Variants in FAM149B1 observed in about 807,000 individuals in gnomAD.
FAM149B1 encodes family with sequence similarity 149 member B1, also known as primary cilium assembly protein FAM149B1.
FAM149B1 carries 56 observed loss-of-function variants against 75.3 expected under a neutral mutation model. That is an observed-to-expected ratio of 0.74 (90% confidence interval 0.60 to 0.93). The LOEUF is 0.93. Ranked by LOEUF, FAM149B1 falls within the 40% of genes least tolerant of loss-of-function variation. The pLI is 0.00. For synonymous variants in FAM149B1, 259 were observed against 256.1 expected (o/e 1.01, Z -0.11); for missense variants, 639 against 708.4 (o/e 0.90, Z 1.11).
chr10:73,213,394 C>A (rs2043233034), intron 7 of FAM149B1, among the ~76,000 whole-genome samples: 1 of 152,084 alleles, frequency 6.6e-6, no homozygotes, highest in Non-Finnish European at 1.5e-5. Flanking sequence ...GTCTTAAATT[C>A]TTTGCCTGGA....
intron 4 of FAM149B1, 81 bp downstream of exon 4, chr10:73,192,779 C>A: frequency 7.8e-7 from 1 of 1,280,844 alleles, no homozygotes. Flanking sequence ...AGCTTGTATT[C>A]TGAAATCTTT....
chr10:73,240,995 CT>C lies in FAM149B1; in HGVS notation c.1726del (p.Ser576LeufsTer24). ...AATCTCAAAGCGGAGGCAGACCAGT[CT>C]CTCGAACCAGGCAGGGACCATAAGG... ...TKSQSGGRPVSRTRQGP is the reference protein window; with the variant it reads ...TKSQSGGRPVXRTRQGP On this transcript the variant is annotated frameshift_variant, in exon 14 of 14. Transcript: ENST00000242505. LOFTEE classifies it high-confidence loss of function. The C allele has an allele frequency of 6.7e-6, 10 of 1,498,568 alleles. No homozygotes were observed. Among genetic ancestry groups the C allele is most frequent in the Non-Finnish European group, 8.8e-6 (10 of 1,139,924 alleles). 92.8% of individuals were successfully genotyped at this position (1,498,568 alleles called of 1,614,324 possible). A position where few individuals can be genotyped will look rare whatever the true frequency, so the allele number is the denominator to read the frequency against.
chr10:73,243,790 T>C lies in FAM149B1; in HGVS notation c.*2771T>C, dbSNP rs2043978579. 6 of 1,465,294 alleles carry C rather than the reference T, an allele frequency of 4.1e-6. No homozygotes were observed. In the Admixed American group the frequency reaches 5.6e-5, roughly 14 times the overall value. 90.8% of individuals were successfully genotyped at this position (1,465,294 alleles called of 1,614,324 possible). A position where few individuals can be genotyped will look rare whatever the true frequency, so the allele number is the denominator to read the frequency against. On this transcript the variant is annotated 3_prime_UTR_variant, in exon 14 of 14. Transcript: ENST00000242505. ...AAAATACAACATTCCAAAGAAAATA[T>C]TAGCAGTAGGAATCAGATCATTAAA...
At chr10:73,227,903 G>GT (rs755226207) in intron 7 of FAM149B1, among the ~76,000 whole-genome samples, 157 bp from the exon 8 acceptor site, 6 of 152,158 alleles carry the variant, frequency 3.9e-5, no homozygotes, top group Non-Finnish European at 8.8e-5. Flanking sequence ...GGTTTGAGGG[G>GT]TTTTTTTGAA....
rs1844038846 is a variant in FAM149B1, at chr10:73,177,835, T to A, written c.153-11T>A. 6.5e-7 allele frequency: 1 copy of A among 1,540,762 alleles called. No homozygotes were observed. On this transcript the variant is annotated splice_polypyrimidine_tract_variant and intron_variant, in intron 2 of 13. Transcript: ENST00000242505. The stretch of plus-strand genomic sequence containing the variant: ...TCTTTTTTCTCTCCTCCTCCCAAAT[T>A]GTGCCTTTAGCAAGTCTGACATCAC...
Position 73,241,862 on chromosome 10 carries a change from G to C in FAM149B1, c.*843G>C, listed in dbSNP as rs1288433911. 2 of 152,144 alleles carry C rather than the reference G, an allele frequency of 1.3e-5. No individual in the cohort carries two copies. Among genetic ancestry groups the C allele is most frequent in the East Asian group, 3.8e-4 (2 of 5,196 alleles). The allele number at this position is 152,144 out of a possible 1,614,324, so 9.4% of individuals were successfully genotyped here. ...TTAAGAAACCCTGGCAATTAATTCA[G>C]CATAAACATATCCTATAAACAGCAG... On this transcript the variant is annotated 3_prime_UTR_variant, in exon 14 of 14. Transcript: ENST00000242505.
At position 73,192,537 on chromosome 10, in the gene FAM149B1, G is replaced by A. The variant is rs760398523; in HGVS notation, c.283-19G>A. On this transcript the variant is annotated intron_variant, in intron 3 of 13. Coordinates refer to ENST00000242505, the MANE Select transcript of FAM149B1 (RefSeq NM_173348.2). Reference sequence around the variant, plus strand: ...TGAATCAGCTCACCTAAATATTTGGGGGGAATATTTTCTTCTAGGAACTCG... The same window carrying A: ...TGAATCAGCTCACCTAAATATTTGGAGGGAATATTTTCTTCTAGGAACTCG... 21 of 1,547,748 alleles carry A rather than the reference G, an allele frequency of 1.4e-5. No homozygotes were observed. In the African/African-American group the frequency reaches 2.7e-4, roughly 20 times the overall value.
chr10:73,190,187 T>C (rs1476537463), intron 3 of FAM149B1, among the ~76,000 whole-genome samples: 3 of 150,332 alleles, frequency 2.0e-5, no homozygotes, highest in Admixed American at 6.6e-5. Context: ...AATATATTTC[T>C]AACAGAAATT....
intron 1 of FAM149B1, among the ~76,000 whole-genome samples, chr10:73,170,474 A>T (rs1843666922): frequency 6.6e-6 from 1 of 152,150 alleles, no homozygotes. Flanking sequence ...ACTGTACTCC[A>T]GCCTGGGTGA....
intron 7 of FAM149B1, among the ~76,000 whole-genome samples, chr10:73,211,341 C>T (rs2043182650): frequency 6.6e-6 from 1 of 152,172 alleles, no homozygotes; most frequent in South Asian, 2.1e-4. Flanking sequence ...ATCTCCCTAC[C>T]CAATCCTCAG....
chr10:73,234,597 G>A (rs1195799522), intron 10 of FAM149B1: 3 of 520,982 alleles, frequency 5.8e-6, no homozygotes, highest in Non-Finnish European at 1.0e-5. Context: ...AGCTTCTGTT[G>A]TGTACCCAGA....
intron 3 of FAM149B1, among the ~76,000 whole-genome samples, chr10:73,186,460 A>G (rs1046909874): frequency 6.6e-6 from 1 of 152,220 alleles, no homozygotes; most frequent in Admixed American, 6.5e-5. Context: ...TGCCACTTCT[A>G]TTCAGCATTG....
Position 73,242,606 on chromosome 10 carries a change from A to G in FAM149B1, c.*1587A>G, listed in dbSNP as rs554068039. 3 of 152,368 alleles carry G rather than the reference A, an allele frequency of 2.0e-5. No homozygotes were observed. The highest frequency in any genetic ancestry group is 3.4e-3 in the Middle Eastern group (1 of 294). 9.4% of individuals were successfully genotyped at this position (152,368 alleles called of 1,614,324 possible). A position where few individuals can be genotyped will look rare whatever the true frequency, so the allele number is the denominator to read the frequency against. Reference sequence around the variant, plus strand: ...TTTATAAAAGGGAACAGATTCAGACAAGCTCAGTGGCCCAACTGAAGACAT... The same window carrying G: ...TTTATAAAAGGGAACAGATTCAGACGAGCTCAGTGGCCCAACTGAAGACAT... On this transcript the variant is annotated 3_prime_UTR_variant, in exon 14 of 14. Coordinates refer to ENST00000242505, the MANE Select transcript of FAM149B1 (RefSeq NM_173348.2).
chr10:73,200,039 CA>C, intron 5 of FAM149B1: 1 of 193,248 alleles, frequency 5.2e-6, no homozygotes, highest in Non-Finnish European at 1.1e-5. Flanking sequence ...ATTAAAGATC[CA>C]AAAGGTGGCC....
intron 4 of FAM149B1, 150 bp from the exon 5 acceptor site, chr10:73,193,327 C>A: frequency 1.6e-6 from 1 of 632,938 alleles, no homozygotes; most frequent in Non-Finnish European, 2.6e-6. Context: ...TGTAGTAAGG[C>A]TCTGGATTCA....
chr10:73,233,197 G>A (rs2043751113), intron 10 of FAM149B1, 34 bp downstream of exon 10: 5 of 1,400,202 alleles, frequency 3.6e-6, no homozygotes, highest in East Asian at 2.5e-5. Context: ...TGGAAACCGT[G>A]GTAAAACTAA....
chr10:73,235,016 CCT>C, intron 11 of FAM149B1, 76 bp downstream of exon 11: 3 of 1,513,480 alleles, frequency 2.0e-6, no homozygotes, highest in Non-Finnish European at 2.7e-6. Context: ...GGATCTGTGC[CCT>C]GATCTTGATT....
chr10:73,241,027 G>A lies in FAM149B1; in HGVS notation c.*8G>A. ...ACCAGGCAGGGACCATAAGGCAAATGAGAAGAATCTATCAGGCTGCAGGAA... is the reference window on the plus strand; with the variant it reads ...ACCAGGCAGGGACCATAAGGCAAATAAGAAGAATCTATCAGGCTGCAGGAA... On this transcript the variant is annotated 3_prime_UTR_variant, in exon 14 of 14. Transcript: ENST00000242505. The A allele has an allele frequency of 6.7e-7, 1 of 1,494,134 alleles. No individual in the cohort carries two copies. The highest frequency in any genetic ancestry group is 2.0e-5 in the Admixed American group (1 of 50,910). 92.6% of individuals were successfully genotyped at this position (1,494,134 alleles called of 1,614,324 possible).
Position 73,194,329 on chromosome 10 carries a change from C to T in FAM149B1, c.542+736C>T, listed in dbSNP as rs990610686. Among the ~76,000 whole-genome samples, 15 of 151,164 alleles carry T rather than the reference C, an allele frequency of 9.9e-5. No individual in the cohort carries two copies. In the South Asian group the frequency reaches 2.8e-3, roughly 28 times the overall value. On this transcript the variant is annotated intron_variant, in intron 5 of 13. Transcript: ENST00000242505. ...TAAATAGAATGGTTTTTTAAAATGT[C>T]GAAGTCTAAGAAAAAGACTTTAAAA... is the stretch of plus-strand genomic sequence containing the variant.
Sources: gnomAD v4.1 joint callset for allele counts (sites outside exome capture counted in the v4.1 genomes callset) on GRCh38, gnomAD v4.1.1 for gene constraint, MANE v1.5 for transcripts, NCBI Gene and HGNC (gene_info 2026-07-23, HGNC 2026-07-21) for gene names.